THADA: variants seen among roughly 807,000 people sequenced by gnomAD.
THADA encodes tRNA (32-2'-O)-methyltransferase regulator THADA.
Under a neutral mutation model 219.8 loss-of-function variants are expected in THADA, and 213 were observed. The observed-to-expected ratio is 0.97, with a 90% CI of 0.87 to 1.09. THADA has a LOEUF of 1.09. Ranked by LOEUF, THADA falls within the 50% of genes least tolerant of loss-of-function variation. The probability of loss-of-function intolerance (pLI) is 0.00; values close to 1 mark genes in which losing one functional copy is unlikely to be tolerated. For missense variants in THADA, 2,956 were observed against 2,311.3 expected, an observed-to-expected ratio of 1.28 and a Z score of -5.72; for synonymous variants, 1,018 against 828.9, an observed-to-expected ratio of 1.23 and a Z score of -3.92.
At position 43,571,689 on chromosome 2, in the gene THADA, T is replaced by C. The variant is rs749910255; in HGVS notation, c.2064+18A>G. On this transcript the variant is annotated intron_variant, in intron 13 of 37. Transcript: ENST00000405975. ...CAAAGTTCACCACTTCCCTATGCCT[T>C]CTGATGGGAAATTCTACCTTTTTAA... 3.1e-6 allele frequency: 5 copies of C among 1,601,778 alleles called. No homozygotes were observed. The highest frequency in any genetic ancestry group is 2.2e-5 in the East Asian group (1 of 44,770).
chr2:43,574,440 T>A lies in THADA; in HGVS notation c.1625A>T (p.Lys542Ile). The A allele has an allele frequency of 1.2e-6, 2 of 1,612,718 alleles. No individual in the cohort carries two copies. The highest frequency in any genetic ancestry group is 2.2e-5 in the South Asian group (2 of 90,886). The change falls in exon 11 of 38, where the codon AAA becomes ATA. Residue 542 changes from lysine (K) to isoleucine (I), a missense_variant. Physicochemically the swap from Lys to Ile is moderately radical, Grantham distance 102. Transcript: ENST00000405975. ...FILCEGNLDQ[K>I]SYVIDYYLPK... ...CAAGTAATAATCAATCACGTAAGAT[T>A]TTTGATCCAAGTTTCCTTCACACAA...
chr2:43,524,829 T>C (rs191826806), intron 22 of THADA, among the ~76,000 whole-genome samples: 1 of 152,344 alleles, frequency 6.6e-6, no homozygotes, highest in East Asian at 1.9e-4. Context: ...ATACCAGGCA[T>C]TGGGCATTCC....
At chr2:43,561,016 C>CAAAAAAAAA (rs3042329) in intron 15 of THADA, among the ~76,000 whole-genome samples, 2 of 92,328 alleles carry the variant, frequency 2.2e-5, no homozygotes, top group Non-Finnish European at 2.3e-5. Flanking sequence ...GACTTGGTCT[C>CAAAAAAAAA]AAAAAAAAAA....
chr2:43,279,957 C>T (rs1488537805), intron 35 of THADA, 61 bp from the exon 36 acceptor site: 9 of 1,417,630 alleles, frequency 6.3e-6, no homozygotes, highest in Non-Finnish European at 8.3e-6. Flanking sequence ...GGTGCAAATA[C>T]TGCTTCAAAT....
intron 16 of THADA, among the ~76,000 whole-genome samples, chr2:43,558,023 A>G (rs1029365587): frequency 1.3e-5 from 2 of 152,234 alleles, no homozygotes; most frequent in African/African-American, 4.8e-5. Flanking sequence ...CATCTAAACC[A>G]TTTTTTAACT....
intron 21 of THADA, among the ~76,000 whole-genome samples, chr2:43,537,292 A>G (rs966334879): frequency 5.9e-5 from 9 of 152,222 alleles, no homozygotes; most frequent in Non-Finnish European, 1.3e-4. Flanking sequence ...ACTTTTTAAA[A>G]TGAATTTCTG....
Position 43,577,085 on chromosome 2 carries a change from AT to A in THADA, c.973del (p.Met325TrpfsTer19). 1 of 1,613,596 alleles carries A rather than the reference AT, an allele frequency of 6.2e-7. No homozygotes were observed. The highest frequency in any genetic ancestry group is 8.5e-7 in the Non-Finnish European group (1 of 1,179,782). On this transcript the variant is annotated frameshift_variant, in exon 10 of 38. Transcript: ENST00000405975. LOFTEE classifies it high-confidence loss of function. ...GAGCAGGGCCTCCCCACTCCGACCC[AT>A]GCTTCCGTTCTGCCAGTCCAACATG... ...LAMLDWQNGS[M>X]GRSGEALLLD...
intron 29 of THADA, among the ~76,000 whole-genome samples, chr2:43,373,864 CACA>C (rs1304555636): frequency 6.6e-6 from 1 of 152,146 alleles, no homozygotes; most frequent in Non-Finnish European, 1.5e-5. Flanking sequence ...TTGTATTGAT[CACA>C]ACATCTTTCT....
intron 31 of THADA, among the ~76,000 whole-genome samples, chr2:43,317,501 C>T (rs1221588933): frequency 1.3e-5 from 2 of 152,218 alleles, no homozygotes; most frequent in African/African-American, 4.8e-5. Context: ...GAAATCTACA[C>T]ATCCAAGTAA....
Position 43,577,207 on chromosome 2 carries a change from G to T in THADA, c.852C>A (p.Thr284=). 6.2e-7 allele frequency: 1 copy of T among 1,601,090 alleles called. No individual in the cohort carries two copies. The highest frequency in any genetic ancestry group is 2.3e-5 in the East Asian group (1 of 44,414). Residue 284 remains threonine, a synonymous_variant, in exon 10 of 38, where the codon ACC becomes ACA. Transcript: ENST00000405975. ...SSVLLRSVDC[T]SVPEWFMSSC... Reference sequence around the variant, plus strand: ...TGCTCATAAACCACTCGGGGACACTGGTGCAGTCCACTGAACGAAGCAGCA... The same window carrying T: ...TGCTCATAAACCACTCGGGGACACTTGTGCAGTCCACTGAACGAAGCAGCA...
intron 26 of THADA, among the ~76,000 whole-genome samples, chr2:43,444,859 A>G (rs116401511): frequency 2.6e-5 from 4 of 152,336 alleles, no homozygotes; most frequent in Non-Finnish European, 4.4e-5. Context: ...AAAGGCAAGC[A>G]AAGCCACCAT....
chr2:43,423,681 C>T (rs938682532), intron 28 of THADA, among the ~76,000 whole-genome samples: 2 of 152,118 alleles, frequency 1.3e-5, no homozygotes, highest in African/African-American at 4.8e-5. Flanking sequence ...ATCCGCCCGC[C>T]TCGGCCTCTG....
Position 43,578,566 on chromosome 2 carries a change from T to C in THADA, c.763A>G (p.Ile255Val), listed in dbSNP as rs183134956. The change falls in exon 9 of 38, where the codon ATT becomes GTT. Residue 255 changes from isoleucine to valine, a missense_variant. Physicochemically the swap from Ile to Val is conservative, Grantham distance 29. Coordinates refer to ENST00000405975, the MANE Select transcript of THADA (RefSeq NM_022065.5). Reference protein sequence around the residue: ...QTVQSTSGLAIILFIKTMFHP... With the variant: ...QTVQSTSGLAVILFIKTMFHP... ...AACATAGTCTTAATAAAAAGAATAA[T>C]AGCTAATCCAGATGTGCTCTGTACA... The C allele has an allele frequency of 2.5e-5, 40 of 1,612,976 alleles. No homozygotes were observed. The highest frequency in any genetic ancestry group is 8.0e-5 in the African/African-American group (6 of 75,008).
chr2:43,472,666 G>A (rs1685033963), intron 26 of THADA, among the ~76,000 whole-genome samples: 1 of 152,120 alleles, frequency 6.6e-6, no homozygotes, highest in South Asian at 2.1e-4. Flanking sequence ...CTTAACAACA[G>A]GGATATGTTC....
At chr2:43,533,660 T>C (rs1007264117) in intron 21 of THADA, among the ~76,000 whole-genome samples, 1 of 152,188 alleles carries the variant, frequency 6.6e-6, no homozygotes, top group Non-Finnish European at 1.5e-5. Context: ...AAACACCACA[T>C]GTTCTCATTC....
At chr2:43,376,642 T>C (rs944980795) in intron 29 of THADA, among the ~76,000 whole-genome samples, 1 of 152,152 alleles carries the variant, frequency 6.6e-6, no homozygotes, top group Non-Finnish European at 1.5e-5. Context: ...TCGAATTAAG[T>C]CAAATGTCAG....
Position 43,485,398 on chromosome 2 carries a change from T to C in THADA, c.3745-73A>G, listed in dbSNP as rs943850429. ...AAACCAACGTTTACAATGTTCAAAC[T>C]AGATAATTCAAAATCATTACCTAAC... On this transcript the variant is annotated intron_variant, in intron 25 of 37. Coordinates refer to ENST00000405975, the MANE Select transcript of THADA (RefSeq NM_022065.5). The C allele has an allele frequency of 2.3e-5, 24 of 1,064,136 alleles. 1 individual carries two copies. Among genetic ancestry groups the C allele is most frequent in the South Asian group, 1.9e-4 (14 of 73,938 alleles). 65.9% of individuals were successfully genotyped at this position (1,064,136 alleles called of 1,614,324 possible).
At chr2:43,514,032 T>A (rs57494375) in intron 22 of THADA, among the ~76,000 whole-genome samples, 1 of 147,884 alleles carries the variant, frequency 6.8e-6, no homozygotes, top group Non-Finnish European at 1.5e-5. Flanking sequence ...TAGACTCCAG[T>A]GTGGATGACA....
intron 28 of THADA, among the ~76,000 whole-genome samples, chr2:43,401,929 GT>G (rs1674893845): frequency 6.8e-6 from 1 of 146,672 alleles, no homozygotes; most frequent in Non-Finnish European, 1.5e-5. Context: ...TAAATGAGTG[GT>G]TTTTTGTTGT....
Sources: allele counts gnomAD v4.1 joint callset (sites outside exome capture counted in the v4.1 genomes callset), GRCh38; gene constraint gnomAD v4.1.1; transcripts MANE v1.5; gene names NCBI Gene and HGNC (gene_info 2026-07-23, HGNC 2026-07-21).